The following MTPN variants were observed in gnomAD, a reference collection of about 807,000 sequenced individuals.
MTPN encodes the protein myotrophin.
Under a neutral mutation model 13.5 loss-of-function variants are expected in MTPN, and 2 were observed. The ratio of observed to expected loss-of-function variants is 0.15; its 90% CI spans 0.06 to 0.47. The LOEUF is 0.47. Ranked by LOEUF, MTPN falls within the 20% of genes least tolerant of loss-of-function variation. The pLI, the probability that MTPN is intolerant of heterozygous loss-of-function variation, is 0.97. For synonymous variants in MTPN, 46 were observed against 51.7 expected, an observed-to-expected ratio of 0.89 and a Z score of 0.48; for missense variants, 79 against 137.9, an observed-to-expected ratio of 0.57 and a Z score of 2.14.
chr7:135,967,440 G>A (rs1799622560), intron 1 of MTPN, among the ~76,000 whole-genome samples: 1 of 152,140 alleles, frequency 6.6e-6, no homozygotes, highest in Non-Finnish European at 1.5e-5. Flanking sequence ...AGCACAAGAT[G>A]ACTTCATTAG....
At chr7:135,941,490 T>A (rs1470578428) in intron 3 of MTPN, among the ~76,000 whole-genome samples, 3 of 151,862 alleles carry the variant, frequency 2.0e-5, no homozygotes, top group Non-Finnish European at 4.4e-5. Flanking sequence ...AAAAATTCAA[T>A]TCTTAAAATG....
chr7:135,977,012 T>A lies in MTPN; in HGVS notation c.72+17A>T. ...CCCACCTCCGTGTTCTCGCCTACTC[T>A]TCTCATCCCCGCTTACCTTGGCCAC... On this transcript the variant is annotated intron_variant, in intron 1 of 3. Transcript: ENST00000393085. 1 of 1,497,582 alleles carries A rather than the reference T, an allele frequency of 6.7e-7. No individual in the cohort carries two copies. The highest frequency in any genetic ancestry group is 1.4e-5 in the African/African-American group (1 of 70,560). The allele number at this position is 1,497,582 out of a possible 1,614,324, so 92.8% of individuals were successfully genotyped here.
At chr7:135,962,217 GATTGC>G (rs76800034) in intron 1 of MTPN, among the ~76,000 whole-genome samples, 8,414 of 151,840 alleles carry the variant, frequency 0.055, 777 homozygotes, top group East Asian at 0.34. Context: ...AATGGGATTA[GATTGC>G]ATTAATCTAA....
intron 1 of MTPN, 133 bp downstream of exon 1, chr7:135,976,896 T>A: frequency 5.8e-6 from 5 of 860,910 alleles, no homozygotes; most frequent in Non-Finnish European, 9.4e-6. Flanking sequence ...CCCTCTCTCC[T>A]TGGTGCCGCC....
At chr7:135,967,057 T>C (rs1481221424) in intron 1 of MTPN, among the ~76,000 whole-genome samples, 1 of 152,166 alleles carries the variant, frequency 6.6e-6, no homozygotes, top group African/African-American at 2.4e-5. Context: ...AACTGATCCA[T>C]ATTTATAAAT....
intron 3 of MTPN, among the ~76,000 whole-genome samples, chr7:135,949,718 A>G (rs1323511683): frequency 6.6e-6 from 1 of 152,204 alleles, no homozygotes; most frequent in Non-Finnish European, 1.5e-5. Flanking sequence ...CTGACACTAC[A>G]AAGCATTAAA....
Position 135,927,935 on chromosome 7 carries a change from G to A in MTPN, c.*1991C>T. On this transcript the variant is annotated 3_prime_UTR_variant, in exon 4 of 4. Transcript: ENST00000393085. ...TACAACAAAACACTTTGAAAGTAAA[G>A]GTGAAAATTATATAAAGGGAAAAAT... 1 of 288,320 alleles carries A rather than the reference G, an allele frequency of 3.5e-6. No homozygotes were observed. The highest frequency in any genetic ancestry group is 3.5e-5 in the South Asian group (1 of 28,838). 17.9% of individuals were successfully genotyped at this position (288,320 alleles called of 1,614,324 possible). A position where few individuals can be genotyped will look rare whatever the true frequency, so the allele number is the denominator to read the frequency against.
chr7:135,961,108 G>C (rs1799515510), intron 1 of MTPN, among the ~76,000 whole-genome samples: 1 of 151,994 alleles, frequency 6.6e-6, no homozygotes, highest in South Asian at 2.1e-4. Flanking sequence ...AAAGACTTGA[G>C]AACAAACTTA....
intron 1 of MTPN, among the ~76,000 whole-genome samples, chr7:135,953,267 CA>C (rs1002890071): frequency 2.0e-5 from 3 of 152,218 alleles, no homozygotes; most frequent in Non-Finnish European, 4.4e-5. Flanking sequence ...GTAAAACTCA[CA>C]GGAATCAGTT....
intron 3 of MTPN, among the ~76,000 whole-genome samples, chr7:135,935,735 C>T (rs1562928958): frequency 6.6e-6 from 1 of 152,176 alleles, no homozygotes; most frequent in Non-Finnish European, 1.5e-5. Context: ...TTGCTAAATC[C>T]TTTCTACCTG....
intron 3 of MTPN, among the ~76,000 whole-genome samples, chr7:135,935,075 A>G (rs1184663542): frequency 6.6e-6 from 1 of 152,138 alleles, no homozygotes; most frequent in African/African-American, 2.4e-5. Flanking sequence ...ATTCTCCAAC[A>G]AGGTGAAGAA....
In MTPN at chr7:135,958,321, T is replaced by C. The variant is rs558737217; in HGVS notation, c.73-6691A>G. On this transcript the variant is annotated intron_variant, in intron 1 of 3. Coordinates refer to ENST00000393085, the MANE Select transcript of MTPN (RefSeq NM_145808.4). ...GGGTGACTTGTGCATAGCAGTCTTATTTTAATAGTTTCTACAGTCACTTAT... is the reference window on the plus strand; with the variant it reads ...GGGTGACTTGTGCATAGCAGTCTTACTTTAATAGTTTCTACAGTCACTTAT... Among the ~76,000 whole-genome samples the C allele has an allele frequency of 1.6e-4, 24 of 152,326 alleles. No homozygotes were observed. The East Asian group carries it at 4.2e-3, about 27-fold the overall frequency.
At position 135,927,822 on chromosome 7, in the gene MTPN, A is replaced by G. The variant is rs1208470328; in HGVS notation, c.*2104T>C. 3 of 416,910 alleles carry G rather than the reference A, an allele frequency of 7.2e-6. No individual in the cohort carries two copies. The highest frequency in any genetic ancestry group is 1.4e-5 in the Non-Finnish European group (3 of 208,196). 25.8% of individuals were successfully genotyped at this position (416,910 alleles called of 1,614,324 possible). A position where few individuals can be genotyped will look rare whatever the true frequency, so the allele number is the denominator to read the frequency against. On this transcript the variant is annotated 3_prime_UTR_variant, in exon 4 of 4. Coordinates refer to ENST00000393085, the MANE Select transcript of MTPN (RefSeq NM_145808.4). ...CAAGCAACATCAGGATAAACTGTACAAAGAATCACATGGTTTCCATACCAT... is the reference window on the plus strand; with the variant it reads ...CAAGCAACATCAGGATAAACTGTACGAAGAATCACATGGTTTCCATACCAT...
At chr7:135,950,788 AAATCAATC>A in intron 2 of MTPN, 106 bp from the exon 3 acceptor site, 2 of 856,822 alleles carry the variant, frequency 2.3e-6, no homozygotes, top group Non-Finnish European at 3.7e-6. Flanking sequence ...CCTTTCTAGA[AAATCAATC>A]AATCAATCAA....
chr7:135,970,917 T>C (rs1562937635), intron 1 of MTPN, among the ~76,000 whole-genome samples: 1 of 152,078 alleles, frequency 6.6e-6, no homozygotes, highest in Non-Finnish European at 1.5e-5. Flanking sequence ...CAGTGATACA[T>C]TTTTATAAGA....
Position 135,928,246 on chromosome 7 carries a change from G to C in MTPN, c.*1680C>G, listed in dbSNP as rs928345641. On this transcript the variant is annotated 3_prime_UTR_variant, in exon 4 of 4. Transcript: ENST00000393085. ...GGAAAATTACAGGGTTAGGCTAGTT[G>C]TAAGTGAAAAAGCCACAGGATTAAA... The C allele has an allele frequency of 6.0e-6, 1 of 167,060 alleles. No homozygotes were observed. The highest frequency in any genetic ancestry group is 1.5e-5 in the Non-Finnish European group (1 of 68,286). The allele number at this position is 167,060 out of a possible 1,614,324, so 10.3% of individuals were successfully genotyped here. A position where few individuals can be genotyped will look rare whatever the true frequency, so the allele number is the denominator to read the frequency against.
At chr7:135,967,380 C>T in intron 1 of MTPN, among the ~76,000 whole-genome samples, 1 of 152,072 alleles carries the variant, frequency 6.6e-6, no homozygotes, top group East Asian at 1.9e-4. Flanking sequence ...AAGAAATTTG[C>T]CAAGCAGATG....
At chr7:135,976,446 G>C (rs1285927102) in intron 1 of MTPN, among the ~76,000 whole-genome samples, 1 of 152,158 alleles carries the variant, frequency 6.6e-6, no homozygotes, top group East Asian at 1.9e-4. Flanking sequence ...TATTTGTTGT[G>C]GTGGGGGAAA....
Position 135,977,289 on chromosome 7 carries a change from G to A in MTPN, c.-189C>T, listed in dbSNP as rs868581768. 6.4e-6 allele frequency: 4 copies of A among 621,990 alleles called. No homozygotes were observed. Among genetic ancestry groups the A allele is most frequent in the South Asian group, 3.7e-5 (2 of 53,944 alleles). 38.5% of individuals were successfully genotyped at this position (621,990 alleles called of 1,614,324 possible). ...CGACCGTTCGGGCGGGAGAAAGAAAGTTCTTTTGCGGCCACCGGGCCCAGC... is the reference window on the plus strand; with the variant it reads ...CGACCGTTCGGGCGGGAGAAAGAAAATTCTTTTGCGGCCACCGGGCCCAGC... On this transcript the variant is annotated 5_prime_UTR_variant, in exon 1 of 4. Transcript: ENST00000393085.
Sources: allele counts gnomAD v4.1 joint callset (sites outside exome capture counted in the v4.1 genomes callset), GRCh38; gene constraint gnomAD v4.1.1; transcripts MANE v1.5; gene names NCBI Gene and HGNC (gene_info 2026-07-23, HGNC 2026-07-21).